Variants in TRIM5 observed in about 807,000 individuals in gnomAD.
TRIM5 encodes the protein tripartite motif-containing protein 5.
Under a neutral mutation model 35.6 loss-of-function variants are expected in TRIM5, and 31 were observed. The observed-to-expected ratio is 0.87, with a 90% confidence interval of 0.65 to 1.18. The LOEUF (loss-of-function observed/expected upper bound fraction) is 1.18. Among genes scored for constraint, TRIM5 ranks in the 50% most tolerant of loss-of-function variants. TRIM5 has a pLI of 0.00. For missense variants in TRIM5, 609 were observed against 591.6 expected (o/e 1.03, Z -0.31); for synonymous variants, 243 against 215.6 (o/e 1.13, Z -1.11).
At chr11:5,591,423 CA>C in the TRIM5 span, among the ~76,000 whole-genome samples, 1 of 152,100 alleles carries the variant, frequency 6.6e-6, no homozygotes, top group South Asian at 2.1e-4. Flanking sequence ...CCGAGGCGGG[CA>C]GATCACCTGA....
the TRIM5 span, among the ~76,000 whole-genome samples, chr11:5,599,355 A>G: frequency 5.3e-5 from 8 of 151,548 alleles, no homozygotes; most frequent in African/African-American, 1.7e-4. Flanking sequence ...TGGACTTTCA[A>G]TTAAAATATA....
chr11:5,623,336 C>G, the TRIM5 span, among the ~76,000 whole-genome samples: 31 of 151,530 alleles, frequency 2.0e-4, no homozygotes, highest in Non-Finnish European at 3.2e-4. Flanking sequence ...GCGGTTCTTG[C>G]TATTATAATA....
At chr11:5,605,359 G>T in the TRIM5 span, 5 of 1,614,054 alleles carry the variant, frequency 3.1e-6, no homozygotes, top group African/African-American at 6.7e-5. Flanking sequence ...CCTGAGAGAT[G>T]CAGGATCCAG....
At chr11:5,645,174 G>A in the TRIM5 span, among the ~76,000 whole-genome samples, 8 of 152,076 alleles carry the variant, frequency 5.3e-5, no homozygotes, top group Admixed American at 2.6e-4. Context: ...AGAGGATCAC[G>A]TGAGGTCAGG....
chr11:5,615,755 G>A, the TRIM5 span, among the ~76,000 whole-genome samples: 287 of 150,914 alleles, frequency 1.9e-3, no homozygotes, highest in Middle Eastern at 3.5e-3. Context: ...CACCACGTCC[G>A]GCTAATATTG....
chr11:5,637,019 A>G, the TRIM5 span, among the ~76,000 whole-genome samples: 11 of 152,138 alleles, frequency 7.2e-5, no homozygotes, highest in African/African-American at 2.7e-4. Flanking sequence ...TTTATAATAT[A>G]CAAAAAATTA....
chr11:5,604,567 A>G, the TRIM5 span: 1 of 1,613,320 alleles, frequency 6.2e-7, no homozygotes, highest in Admixed American at 1.7e-5. Flanking sequence ...GAAGCTGAAG[A>G]ACGAGGAGCA....
the TRIM5 span, among the ~76,000 whole-genome samples, chr11:5,657,455 G>A: frequency 7.1e-6 from 1 of 140,558 alleles, no homozygotes; most frequent in Admixed American, 7.6e-5. Flanking sequence ...AACTTAAAGT[G>A]TATATATATA....
chr11:5,663,000 C>T (rs1850883150), downstream of TRIM5, among the ~76,000 whole-genome samples: 2 of 152,162 alleles, frequency 1.3e-5, no homozygotes, highest in African/African-American at 4.8e-5. Flanking sequence ...CGTGGTGGTG[C>T]GTGACTGTAG....
chr11:5,600,501 G>A, the TRIM5 span, among the ~76,000 whole-genome samples: 1 of 152,058 alleles, frequency 6.6e-6, no homozygotes, highest in South Asian at 2.1e-4. Context: ...CCCCCAGCAG[G>A]GCCGCTAGGA....
chr11:5,673,488 T>C (rs760580385), intron 4 of TRIM5, among the ~76,000 whole-genome samples: 60 of 152,108 alleles, frequency 3.9e-4, no homozygotes, highest in Admixed American at 1.4e-3. Context: ...CTGGTGAAGA[T>C]TTCAATAATT....
chr11:5,669,239 C>G (rs1239233533), intron 4 of TRIM5, among the ~76,000 whole-genome samples: 2 of 152,096 alleles, frequency 1.3e-5, no homozygotes. Context: ...GCCACCACGC[C>G]TGGCTAATTT....
the TRIM5 span, chr11:5,597,047 G>T: frequency 8.9e-6 from 13 of 1,457,972 alleles, no homozygotes; most frequent in East Asian, 3.0e-4. Context: ...CACTGCAAAT[G>T]ACCCCACTGA....
At chr11:5,656,047 A>T in the TRIM5 span, among the ~76,000 whole-genome samples, 933 of 152,346 alleles carry the variant, frequency 6.1e-3, 17 homozygotes, top group African/African-American at 0.021. Context: ...AAACCATACA[A>T]ATCCTAGAAG....
At chr11:5,603,391 A>G in the TRIM5 span, 4 of 1,613,942 alleles carry the variant, frequency 2.5e-6, no homozygotes, top group Non-Finnish European at 3.4e-6. Context: ...AGAACCCCTG[A>G]GCATAGACTG....
intron 4 of TRIM5, among the ~76,000 whole-genome samples, chr11:5,676,694 T>C (rs1325690096): frequency 6.7e-6 from 1 of 149,598 alleles, no homozygotes; most frequent in East Asian, 1.9e-4. Context: ...ACTACCTGAC[T>C]TCAAACTATA....
At chr11:5,642,887 T>G in the TRIM5 span, 1 of 1,611,606 alleles carries the variant, frequency 6.2e-7, no homozygotes, top group Non-Finnish European at 8.5e-7. Context: ...CCAATTACCT[T>G]TCAGAAGTTT....
At chr11:5,615,004 C>G in the TRIM5 span, among the ~76,000 whole-genome samples, 3 of 152,076 alleles carry the variant, frequency 2.0e-5, no homozygotes, top group Non-Finnish European at 4.4e-5. Context: ...ATTCAAGATT[C>G]TATTTTCCCT....
chr11:5,664,608 T>C lies in TRIM5; in HGVS notation c.*201A>G. 7.7e-7 allele frequency: 1 copy of C among 1,305,540 alleles called. No individual in the cohort carries two copies. Among genetic ancestry groups the C allele is most frequent in the Non-Finnish European group, 9.7e-7 (1 of 1,030,714 alleles). 80.9% of individuals were successfully genotyped at this position (1,305,540 alleles called of 1,614,324 possible). A position where few individuals can be genotyped will look rare whatever the true frequency, so the allele number is the denominator to read the frequency against. On this transcript the variant is annotated 3_prime_UTR_variant, in exon 8 of 8. Transcript: ENST00000380034. The stretch of plus-strand genomic sequence containing the variant: ...GAGTACGGAAAATGATGAAAAAAAT[T>C]GCTATCAAATGTCAATAAAATATTG...
Sources: gnomAD v4.1 joint callset for allele counts (sites outside exome capture counted in the v4.1 genomes callset) on GRCh38, gnomAD v4.1.1 for gene constraint, MANE v1.5 for transcripts, NCBI Gene and HGNC (gene_info 2026-07-23, HGNC 2026-07-21) for gene names.